The following CERS4 variants were observed in gnomAD, a reference collection of about 807,000 sequenced individuals.
CERS4 encodes ceramide synthase 4, also known as LAG1 homolog, ceramide synthase 4.
CERS4 carries 65 observed loss-of-function variants against 51.8 expected under a neutral mutation model. The ratio of observed to expected loss-of-function variants is 1.26; its 90% CI spans 1.03 to 1.54. CERS4 has a LOEUF of 1.54. Among genes scored for constraint, CERS4 ranks in the 40% most tolerant of loss-of-function variants. CERS4 has a pLI of 0.00. For missense variants in CERS4, 563 were observed against 500.4 expected (o/e 1.13, Z -1.19); for synonymous variants, 228 against 208.4 (o/e 1.09, Z -0.81).
chr19:8,256,216 T>C lies in CERS4; in HGVS notation c.469-20T>C, dbSNP rs777909685. On this transcript the variant is annotated intron_variant, in intron 6 of 11. Coordinates refer to ENST00000251363, the MANE Select transcript of CERS4 (RefSeq NM_024552.3). Reference sequence around the variant, plus strand: ...GTTGGATTCTCACCTCTGCACAGCCTGACACCCATTTCCCTGCAGGAGTCA... The same window carrying C: ...GTTGGATTCTCACCTCTGCACAGCCCGACACCCATTTCCCTGCAGGAGTCA... The C allele has an allele frequency of 1.4e-5, 22 of 1,607,634 alleles. No homozygotes were observed. Among genetic ancestry groups the C allele is most frequent in the East Asian group, 2.2e-5 (1 of 44,764 alleles).
intron 4 of CERS4, among the ~76,000 whole-genome samples, 157 bp downstream of exon 4, chr19:8,254,773 A>G (rs1369662385): frequency 6.6e-6 from 1 of 152,036 alleles, no homozygotes; most frequent in African/African-American, 2.4e-5. Flanking sequence ...ATTCCCTGGG[A>G]AAGGGCTCTA....
At chr19:8,227,499 G>A (rs1039161235) in intron 2 of CERS4, among the ~76,000 whole-genome samples, 2 of 151,746 alleles carry the variant, frequency 1.3e-5, no homozygotes, top group Non-Finnish European at 2.9e-5. Context: ...TGGCCACCAC[G>A]CCTAGCTAAT....
At chr19:8,258,181 T>C (rs1276555454) in intron 10 of CERS4, among the ~76,000 whole-genome samples, 196 bp downstream of exon 10, 4 of 151,858 alleles carry the variant, frequency 2.6e-5, no homozygotes, top group African/African-American at 7.3e-5. Context: ...AGAATTATTA[T>C]TACTCAGCGT....
At chr19:8,235,183 AT>A (rs770866719) in intron 2 of CERS4, among the ~76,000 whole-genome samples, 61 of 150,402 alleles carry the variant, frequency 4.1e-4, no homozygotes, top group Non-Finnish European at 7.8e-4. Context: ...TAATTTTTGT[AT>A]TTTTAGTAGA....
chr19:8,248,916 G>A (rs956787018), intron 2 of CERS4, among the ~76,000 whole-genome samples: 1 of 139,280 alleles, frequency 7.2e-6, no homozygotes, highest in African/African-American at 2.7e-5. Flanking sequence ...TGGATGATGG[G>A]TAGATGGATG....
intron 10 of CERS4, chr19:8,261,134 C>CCCCT (rs1969676560): frequency 6.4e-6 from 1 of 156,722 alleles, no homozygotes; most frequent in Non-Finnish European, 1.4e-5. Flanking sequence ...TGAAGCCCCG[C>CCCCT]CCCTCCCAGC....
At chr19:8,221,166 G>A (rs1229896167) in intron 2 of CERS4, among the ~76,000 whole-genome samples, 1 of 149,136 alleles carries the variant, frequency 6.7e-6, no homozygotes. Context: ...ACAGGGTCTC[G>A]CTATGTTGCT....
Position 8,261,944 on chromosome 19 carries a change from T to A in CERS4, c.1020T>A (p.Ile340=). The change falls in exon 12 of 12, where the codon ATT becomes ATA. Residue 340 remains isoleucine (I), a synonymous_variant. Transcript: ENST00000251363. The part of the protein sequence containing the change: ...FMKKGQMEKD[I]RSDVEESDSS... ...CTGTTCCCCAGATGGAGAAGGACAT[T>A]CGTAGTGATGTAGAAGAATCAGACT... 6.2e-7 allele frequency: 1 copy of A among 1,608,480 alleles called. No homozygotes were observed. The highest frequency in any genetic ancestry group is 8.5e-7 in the Non-Finnish European group (1 of 1,177,408).
chr19:8,211,890 CAAAAAAAA>C (rs57231018), intron 2 of CERS4, among the ~76,000 whole-genome samples: 8 of 75,548 alleles, frequency 1.1e-4, no homozygotes, highest in Admixed American at 3.2e-4. Context: ...AGACTATCTC[CAAAAAAAA>C]AAAAAAAAAA....
chr19:8,210,358 C>CCGTT lies in CERS4; in HGVS notation c.-158-348_-158-347insCGTT, dbSNP rs1241046568. Among the ~76,000 whole-genome samples, 4 of 152,142 alleles carry CCGTT rather than the reference C, an allele frequency of 2.6e-5. No homozygotes were observed. The highest frequency in any genetic ancestry group is 9.7e-5 in the African/African-American group (4 of 41,434). On this transcript the variant is annotated intron_variant, in intron 1 of 11. Transcript: ENST00000251363. This position sits in a 1 kb window ranked among gnomAD's most constrained non-coding sequence, Gnocchi z 4.2. ...GCAGAGTAACATCGTCTAATTCTGT[C>CCGTT]TGTTTGCAAGTGGAGCGTGGGGGAC...
intron 2 of CERS4, 74 bp from the exon 3 acceptor site, chr19:8,251,002 C>T (rs1331047731): frequency 1.3e-6 from 2 of 1,498,438 alleles, no homozygotes; most frequent in African/African-American, 1.4e-5. Context: ...TCTGAGGCTC[C>T]AGCCTCTCAG....
At chr19:8,236,700 AAG>A (rs760750976) in intron 2 of CERS4, among the ~76,000 whole-genome samples, 8 of 21,934 alleles carry the variant, frequency 3.6e-4, no homozygotes, top group African/African-American at 8.4e-4. Context: ...AAAAAAAAAA[AAG>A]AAAGAAAGAA....
chr19:8,240,901 TG>T (rs749956238), intron 2 of CERS4, among the ~76,000 whole-genome samples: 1 of 151,510 alleles, frequency 6.6e-6, no homozygotes, highest in African/African-American at 2.4e-5. Flanking sequence ...TCCCCCAATC[TG>T]GGGCTATTTT....
At chr19:8,254,649 A>G in intron 4 of CERS4, 33 bp downstream of exon 4, 1 of 1,557,234 alleles carries the variant, frequency 6.4e-7, no homozygotes, top group East Asian at 2.3e-5. Flanking sequence ...GACCCGCACT[A>G]CTGCCCTGGG....
At chr19:8,217,412 A>G (rs1037605931) in intron 2 of CERS4, among the ~76,000 whole-genome samples, 9 of 152,036 alleles carry the variant, frequency 5.9e-5, no homozygotes, top group Non-Finnish European at 1.5e-5. Context: ...TCTGTCGCTC[A>G]GGCTGGAGTG....
intron 9 of CERS4, among the ~76,000 whole-genome samples, chr19:8,257,678 C>T (rs546452922): frequency 5.8e-4 from 88 of 152,324 alleles, no homozygotes; most frequent in Admixed American, 8.5e-4. Flanking sequence ...GATCTGCCTG[C>T]CTCAGCCTCC....
intron 2 of CERS4, among the ~76,000 whole-genome samples, chr19:8,240,796 C>T (rs1364841210): frequency 6.6e-6 from 1 of 152,156 alleles, no homozygotes; most frequent in African/African-American, 2.4e-5. Flanking sequence ...GGGAACCAGT[C>T]CTTCTCACTC....
rs568210124 is a variant in CERS4, at chr19:8,222,902, G to C, written c.-2+12040G>C. Among the ~76,000 whole-genome samples, 16 of 152,278 alleles carry C rather than the reference G, an allele frequency of 1.1e-4. No homozygotes were observed. The South Asian group carries it at 3.1e-3, about 30-fold the overall frequency. Reference sequence around the variant, plus strand: ...GAAAGCCTGAAACTGGAGCTTGGTTGTTCTCTGGAATCCTGGGTGCCCGGT... The same window carrying C: ...GAAAGCCTGAAACTGGAGCTTGGTTCTTCTCTGGAATCCTGGGTGCCCGGT... On this transcript the variant is annotated intron_variant, in intron 2 of 11. Transcript: ENST00000251363.
Position 8,256,633 on chromosome 19 carries a change from C to G in CERS4, c.535C>G (p.Leu179Val). 6.2e-7 allele frequency: 1 copy of G among 1,613,264 alleles called. No homozygotes were observed. The highest frequency in any genetic ancestry group is 8.5e-7 in the Non-Finnish European group (1 of 1,179,646). Reference sequence around the variant, plus strand: ...CCTGCTGCAGACTCTGAAGCCATCCCTGTACTGGTGGTACCTCTTGGAGCT... The same window carrying G: ...CCTGCTGCAGACTCTGAAGCCATCCGTGTACTGGTGGTACCTCTTGGAGCT... ...RYPNQTLKPSLYWWYLLELGF... is the reference protein window; with the variant it reads ...RYPNQTLKPSVYWWYLLELGF... Residue 179 changes from leucine (L) to valine (V), a missense_variant, in exon 8 of 12, where the codon CTG becomes GTG. Transcript: ENST00000251363.
Sources: allele counts gnomAD v4.1 joint callset (sites outside exome capture counted in the v4.1 genomes callset), GRCh38; gene constraint gnomAD v4.1.1; non-coding constraint Gnocchi (gnomAD v3.1); transcripts MANE v1.5; gene names NCBI Gene and HGNC (gene_info 2026-07-23, HGNC 2026-07-21).